The following DLGAP2 variants were observed in gnomAD, a reference collection of about 807,000 sequenced individuals.
The protein encoded by DLGAP2 is disks large-associated protein 2.
In DLGAP2, 26 loss-of-function variants were observed where a neutral mutation model predicts 100.3. The observed-to-expected ratio is 0.26, with a 90% CI of 0.19 to 0.36. The LOEUF is 0.36. Among genes scored for constraint, DLGAP2 ranks in the 10% least tolerant of loss-of-function variants. DLGAP2 has a pLI of 1.00. For synonymous variants in DLGAP2, 886 were observed against 630.1 expected (o/e 1.41, Z -6.08); for missense variants, 1,858 against 1,453.2 (o/e 1.28, Z -4.53).
intron 1 of DLGAP2, among the ~76,000 whole-genome samples, chr8:903,308 C>T (rs1313781299): frequency 6.6e-6 from 1 of 152,090 alleles, no homozygotes; most frequent in Non-Finnish European, 1.5e-5. Flanking sequence ...TGTAGGCGTC[C>T]TGCCCACTGG....
intron 2 of DLGAP2, among the ~76,000 whole-genome samples, chr8:1,056,632 G>C (rs1304296115): frequency 6.6e-6 from 1 of 152,240 alleles, no homozygotes; most frequent in African/African-American, 2.4e-5. Flanking sequence ...GCACACCCGT[G>C]CCAAAATGTG....
At chr8:1,194,385 A>G (rs1011301594) in intron 2 of DLGAP2, among the ~76,000 whole-genome samples, 4 of 151,990 alleles carry the variant, frequency 2.6e-5, no homozygotes, top group Non-Finnish European at 5.9e-5. Context: ...CGGCCCACAT[A>G]AGGGCACCAT....
chr8:1,281,141 T>G (rs1442668135), intron 3 of DLGAP2, among the ~76,000 whole-genome samples: 2 of 152,240 alleles, frequency 1.3e-5, no homozygotes, highest in Non-Finnish European at 2.9e-5. Context: ...CGTAATTGCT[T>G]AATTTTTAAA....
Position 1,408,434 on chromosome 8 carries a change from A to G in DLGAP2, c.107-92932A>G, listed in dbSNP as rs1796637639. ...TGTTAGTTCACCTGGGGCCTTGCGT[A>G]ATCTCCACGAGCATCTGGGGCACCG... On this transcript the variant is annotated intron_variant, in intron 3 of 14. Coordinates refer to ENST00000637795, the MANE Select transcript of DLGAP2 (RefSeq NM_001346810.2). Among the ~76,000 whole-genome samples the G allele has an allele frequency of 2.1e-5, 3 of 140,194 alleles. No homozygotes were observed. In the East Asian group the frequency reaches 6.8e-4, roughly 32 times the overall value. 92.0% of individuals were successfully genotyped at this position (140,194 alleles called of 152,430 possible).
intron 3 of DLGAP2, among the ~76,000 whole-genome samples, chr8:1,346,822 C>A (rs557148543): frequency 4.7e-5 from 7 of 149,306 alleles, no homozygotes; most frequent in African/African-American, 1.7e-4. Context: ...GTTGCGTTCC[C>A]ATACAGAGCT....
At chr8:830,998 C>G (rs992530898) in intron 1 of DLGAP2, among the ~76,000 whole-genome samples, 1 of 150,792 alleles carries the variant, frequency 6.6e-6, no homozygotes, top group African/African-American at 2.4e-5. Flanking sequence ...CGAGTTCAAG[C>G]GATTCTCCTG....
intron 2 of DLGAP2, among the ~76,000 whole-genome samples, chr8:1,244,019 C>G (rs1018720038): frequency 6.6e-6 from 1 of 152,040 alleles, no homozygotes; most frequent in Non-Finnish European, 1.5e-5. Flanking sequence ...TGCACTCCAC[C>G]ATAGGGATGG....
At chr8:1,322,777 C>G (rs74588242) in intron 3 of DLGAP2, among the ~76,000 whole-genome samples, 152 of 152,364 alleles carry the variant, frequency 1.0e-3, no homozygotes, top group East Asian at 6.2e-3. Context: ...GCTCCTCCCC[C>G]CTGCATCAGG....
intron 2 of DLGAP2, among the ~76,000 whole-genome samples, chr8:1,105,664 A>C (rs1012674421): frequency 6.9e-6 from 1 of 145,806 alleles, no homozygotes. Flanking sequence ...AGGGTTTTCT[A>C]CTGAAGGGGG....
At chr8:1,276,500 T>G (rs1799700772) in intron 3 of DLGAP2, among the ~76,000 whole-genome samples, 1 of 152,142 alleles carries the variant, frequency 6.6e-6, no homozygotes, top group Non-Finnish European at 1.5e-5. Context: ...TCACTTTGCT[T>G]GCATGTGTAT....
At chr8:1,358,145 G>A (rs1198469816) in intron 3 of DLGAP2, among the ~76,000 whole-genome samples, 1 of 152,168 alleles carries the variant, frequency 6.6e-6, no homozygotes, top group Non-Finnish European at 1.5e-5. Context: ...GAAAATCCAG[G>A]TGCATCCTTT....
At chr8:1,194,497 C>T (rs1045565591) in intron 2 of DLGAP2, among the ~76,000 whole-genome samples, 3 of 152,122 alleles carry the variant, frequency 2.0e-5, no homozygotes, top group Non-Finnish European at 4.4e-5. Context: ...CCAGGTCATC[C>T]CCAGGGGTCC....
chr8:1,204,026 C>T lies in DLGAP2; in HGVS notation c.74-54825C>T, dbSNP rs186380225. On this transcript the variant is annotated intron_variant, in intron 2 of 14. Coordinates refer to ENST00000637795, the MANE Select transcript of DLGAP2 (RefSeq NM_001346810.2). ...GGGTAAAGTAGTGCTCTTGAAACTT[C>T]AATGTGCTTACGAACCACCTGAGGA... Among the ~76,000 whole-genome samples, 10 of 152,342 alleles carry T rather than the reference C, an allele frequency of 6.6e-5. No individual in the cohort carries two copies. The East Asian group carries it at 9.7e-4, about 15-fold the overall frequency.
chr8:935,857 C>G (rs1324529393), intron 2 of DLGAP2, among the ~76,000 whole-genome samples: 2 of 152,086 alleles, frequency 1.3e-5, no homozygotes, highest in Non-Finnish European at 2.9e-5. Flanking sequence ...TGTTTATGTG[C>G]TTTTTATGTG....
chr8:1,578,807 A>G (rs1324621153), intron 6 of DLGAP2, among the ~76,000 whole-genome samples: 1 of 152,148 alleles, frequency 6.6e-6, no homozygotes, highest in East Asian at 1.9e-4. Context: ...ATCCTGTCCC[A>G]CCTGTCTCAT....
intron 1 of DLGAP2, among the ~76,000 whole-genome samples, chr8:851,862 G>C (rs1194507223): frequency 1.3e-5 from 2 of 152,112 alleles, no homozygotes; most frequent in African/African-American, 2.4e-5. Context: ...GCTGCAGGGG[G>C]CCCCCGCTGC....
intron 2 of DLGAP2, among the ~76,000 whole-genome samples, chr8:1,165,791 T>A (rs976349895): frequency 2.0e-5 from 3 of 152,184 alleles, no homozygotes; most frequent in Non-Finnish European, 4.4e-5. Flanking sequence ...TCTCCTCCTG[T>A]TACTTTAAAT....
chr8:1,409,401 G>T (rs1315391159), intron 3 of DLGAP2, among the ~76,000 whole-genome samples: 2 of 152,156 alleles, frequency 1.3e-5, no homozygotes, highest in South Asian at 4.1e-4. Context: ...CAGTCCTGGT[G>T]CTGAGCACAG....
rs545885571 is a variant in DLGAP2, at chr8:1,530,675, A to G, written c.173-17951A>G. Reference sequence around the variant, plus strand: ...GTAAAGACAGGCATAAGAAATTACAAAAGTATTAATTTGGGGAACTAATAA... The same window carrying G: ...GTAAAGACAGGCATAAGAAATTACAGAAGTATTAATTTGGGGAACTAATAA... On this transcript the variant is annotated intron_variant, in intron 4 of 14. Transcript: ENST00000637795. 2.2e-3 allele frequency among the ~76,000 whole-genome samples: 331 copies of G among 152,368 alleles called. 1 individual carries two copies. Among genetic ancestry groups the G allele is most frequent in the African/African-American group, 7.7e-3 (321 of 41,588 alleles).
Sources: gnomAD v4.1 joint callset for allele counts (sites outside exome capture counted in the v4.1 genomes callset) on GRCh38, gnomAD v4.1.1 for gene constraint, MANE v1.5 for transcripts, NCBI Gene and HGNC (gene_info 2026-07-23, HGNC 2026-07-21) for gene names.